The following PTPN14 variants were observed in gnomAD, a reference collection of about 807,000 sequenced individuals.
PTPN14 encodes tyrosine-protein phosphatase non-receptor type 14.
Under a neutral mutation model 126.8 loss-of-function variants are expected in PTPN14, and 53 were observed. The ratio of observed to expected loss-of-function variants is 0.42; its 90% CI spans 0.34 to 0.53. The LOEUF (loss-of-function observed/expected upper bound fraction) is 0.53. PTPN14 is among the 20% of genes least tolerant of loss of function. The pLI, the probability that PTPN14 is intolerant of heterozygous loss-of-function variation, is 0.08. For synonymous variants in PTPN14, 630 were observed against 599.3 expected, an observed-to-expected ratio of 1.05 and a Z score of -0.75; for missense variants, 1,257 against 1,552.9, an observed-to-expected ratio of 0.81 and a Z score of 3.20.
chr1:214,471,286 G>C (rs1660753647), intron 1 of PTPN14, among the ~76,000 whole-genome samples: 1 of 152,110 alleles, frequency 6.6e-6, no homozygotes, highest in African/African-American at 2.4e-5. Context: ...GAGCTGAGGG[G>C]TTCTAAGAAC....
chr1:214,507,367 T>C (rs911128228), intron 1 of PTPN14, among the ~76,000 whole-genome samples: 2 of 152,222 alleles, frequency 1.3e-5, no homozygotes, highest in African/African-American at 4.8e-5. Context: ...GCCTCCTGTC[T>C]CTAAGGCTAC....
At position 214,383,644 on chromosome 1, in the gene PTPN14, C is replaced by A; in HGVS notation, c.2211G>T (p.Leu737=). ...TGGGGATGCGGGCCAGGGCCGCCTG[C>A]AGCTGGGCACTGTACTCCATCTTCT... The part of the protein sequence containing the change: ...LREKMEYSAQ[L]QAALARIPNK... Residue 737 remains leucine (L), a synonymous_variant, in exon 13 of 19, where the codon CTG becomes CTT. Coordinates refer to ENST00000366956, the MANE Select transcript of PTPN14 (RefSeq NM_005401.5). The surrounding 1 kb of genome is among the most constrained non-coding windows in gnomAD (Gnocchi z 4.4). 1 of 1,613,398 alleles carries A rather than the reference C, an allele frequency of 6.2e-7. No individual in the cohort carries two copies. Among genetic ancestry groups the A allele is most frequent in the Non-Finnish European group, 8.5e-7 (1 of 1,179,996 alleles).
chr1:214,426,805 G>A lies in PTPN14; in HGVS notation c.345-12079C>T, dbSNP rs78089756. Among the ~76,000 whole-genome samples, 1,457 of 152,268 alleles carry A rather than the reference G, an allele frequency of 9.6e-3. 27 individuals are homozygous for A. The highest frequency in any genetic ancestry group is 0.033 in the African/African-American group (1,381 of 41,538). On this transcript the variant is annotated intron_variant, in intron 3 of 18. Coordinates refer to ENST00000366956, the MANE Select transcript of PTPN14 (RefSeq NM_005401.5). The stretch of plus-strand genomic sequence containing the variant: ...CTTTAGGAACCAAAAATTCAGGGGC[G>A]TGAAGCCCAGGGAAGATGCCAGTGT...
At chr1:214,442,343 A>T (rs190721237) in intron 3 of PTPN14, among the ~76,000 whole-genome samples, 99 of 152,340 alleles carry the variant, frequency 6.5e-4, no homozygotes, top group Non-Finnish European at 2.9e-4. Flanking sequence ...TGGTGCTCAA[A>T]AAGTTTTCAA....
At chr1:214,387,963 T>C (rs969915039) in intron 11 of PTPN14, among the ~76,000 whole-genome samples, 17 of 152,214 alleles carry the variant, frequency 1.1e-4, no homozygotes, top group African/African-American at 3.6e-4. Context: ...ACCTTCCCCA[T>C]TGCAGAACCA....
chr1:214,430,156 C>A (rs919084551), intron 3 of PTPN14, among the ~76,000 whole-genome samples: 5 of 152,176 alleles, frequency 3.3e-5, no homozygotes, highest in African/African-American at 1.2e-4. Flanking sequence ...CAATTTTCCT[C>A]CCCTCTTACA....
intron 3 of PTPN14, among the ~76,000 whole-genome samples, chr1:214,433,835 C>T (rs746716547): frequency 6.6e-6 from 1 of 151,496 alleles, no homozygotes; most frequent in African/African-American, 2.4e-5. Context: ...ATGCCTGTAG[C>T]TCTAGCACTT....
At chr1:214,527,100 A>G (rs1571647613) in intron 1 of PTPN14, among the ~76,000 whole-genome samples, 2 of 139,688 alleles carry the variant, frequency 1.4e-5, no homozygotes, top group Admixed American at 1.4e-4. Context: ...TCCAAAAAAG[A>G]AAAAAAAAAA....
rs185760275 is a variant in PTPN14 at position 214,551,313 on chromosome 1, G to C, written c.-285C>G. On this transcript the variant is annotated 5_prime_UTR_variant, in exon 1 of 19. Transcript: ENST00000366956. ...GAGGGGCGAAGGGAAGGAGCCGCAG[G>C]AGGCGAAAGGGGAGGGAGGTTTCCG... 6.6e-6 allele frequency: 1 copy of C among 152,542 alleles called. No homozygotes were observed. Among genetic ancestry groups the C allele is most frequent in the Non-Finnish European group, 1.5e-5 (1 of 68,286 alleles). 9.4% of individuals were successfully genotyped at this position (152,542 alleles called of 1,614,324 possible). A position where few individuals can be genotyped will look rare whatever the true frequency, so the allele number is the denominator to read the frequency against.
At chr1:214,378,403 A>G (rs1224872722) in intron 13 of PTPN14, among the ~76,000 whole-genome samples, 1 of 152,238 alleles carries the variant, frequency 6.6e-6, no homozygotes. Flanking sequence ...CAAAAACAAA[A>G]TAGGGTACAT....
intron 1 of PTPN14, among the ~76,000 whole-genome samples, chr1:214,482,118 C>A (rs1661004244): frequency 6.6e-6 from 1 of 151,598 alleles, no homozygotes. Flanking sequence ...CATTTATTAG[C>A]TAAATTAGAA....
intron 1 of PTPN14, among the ~76,000 whole-genome samples, chr1:214,500,465 G>A (rs534829089): frequency 3.9e-5 from 6 of 152,004 alleles, no homozygotes; most frequent in Non-Finnish European, 7.4e-5. Flanking sequence ...CCATCTTTCC[G>A]GCAACAAAGA....
intron 1 of PTPN14, among the ~76,000 whole-genome samples, chr1:214,542,474 C>G (rs578254473): frequency 1.3e-5 from 2 of 152,120 alleles, no homozygotes; most frequent in Non-Finnish European, 2.9e-5. Context: ...TGGACAGTTA[C>G]AGGCAGGGAC....
chr1:214,463,523 A>C (rs1660559300), intron 2 of PTPN14, among the ~76,000 whole-genome samples: 1 of 152,190 alleles, frequency 6.6e-6, no homozygotes, highest in East Asian at 1.9e-4. Flanking sequence ...ATTTCAGGTG[A>C]AACAGTTTCC....
At chr1:214,461,393 G>C (rs1193256345) in intron 2 of PTPN14, among the ~76,000 whole-genome samples, 1 of 152,134 alleles carries the variant, frequency 6.6e-6, no homozygotes, top group East Asian at 1.9e-4. Flanking sequence ...AGCACTTTGG[G>C]AGGCTGAGGC....
intron 1 of PTPN14, among the ~76,000 whole-genome samples, chr1:214,478,086 A>G (rs969090904): frequency 2.6e-5 from 4 of 152,234 alleles, no homozygotes; most frequent in African/African-American, 9.6e-5. Context: ...TTGCACTATA[A>G]TTAGCACTGA....
At chr1:214,410,707 A>G (rs1227050535) in intron 5 of PTPN14, among the ~76,000 whole-genome samples, 2 of 152,198 alleles carry the variant, frequency 1.3e-5, no homozygotes, top group Non-Finnish European at 2.9e-5. Flanking sequence ...TGCTGAATAT[A>G]CTGCCCTTTC....
chr1:214,534,437 G>T (rs1238161870), intron 1 of PTPN14, among the ~76,000 whole-genome samples: 1 of 152,140 alleles, frequency 6.6e-6, no homozygotes, highest in Non-Finnish European at 1.5e-5. Context: ...TTATTGGCCG[G>T]GCGCGGTGGC....
rs539946720 is a variant in PTPN14, at chr1:214,510,883, G to T, written c.-155+40300C>A. On this transcript the variant is annotated intron_variant, in intron 1 of 18. Coordinates refer to ENST00000366956, the MANE Select transcript of PTPN14 (RefSeq NM_005401.5). ...TAGTTATCAATTTGTTTTTTGTTTT[G>T]TTTTTTTTTTAAGAGATGAGGTCTT... Among the ~76,000 whole-genome samples, 303 of 147,984 alleles carry T rather than the reference G, an allele frequency of 2.0e-3. 2 individuals carry two copies. The highest frequency in any genetic ancestry group is 0.012 in the South Asian group (56 of 4,628).
Sources: allele counts gnomAD v4.1 joint callset (sites outside exome capture counted in the v4.1 genomes callset), GRCh38; gene constraint gnomAD v4.1.1; non-coding constraint Gnocchi (gnomAD v3.1); transcripts MANE v1.5; gene names NCBI Gene and HGNC (gene_info 2026-07-23, HGNC 2026-07-21).